CDKAL1: variants seen among roughly 807,000 people sequenced by gnomAD.
CDKAL1 encodes the protein threonylcarbamoyladenosine tRNA methylthiotransferase.
CDKAL1 carries 32 observed loss-of-function variants against 68.2 expected under a neutral mutation model. The ratio of observed to expected loss-of-function variants is 0.47; its 90% confidence interval spans 0.35 to 0.63. The LOEUF (loss-of-function observed/expected upper bound fraction) is 0.63, where lower values mean the gene tolerates loss of function less well. CDKAL1 is among the 30% of genes least tolerant of loss of function. The pLI, the probability that CDKAL1 is intolerant of heterozygous loss-of-function variation, is 0.00. For synonymous variants in CDKAL1, 234 were observed against 244.3 expected (o/e 0.96, Z 0.39); for missense variants, 606 against 696.7 (o/e 0.87, Z 1.47).
At chr6:20,666,752 A>T (rs1769567586) in intron 5 of CDKAL1, among the ~76,000 whole-genome samples, 1 of 150,394 alleles carries the variant, frequency 6.6e-6, no homozygotes, top group Non-Finnish European at 1.5e-5. Flanking sequence ...GAACTGTTTC[A>T]AAATACATGA....
chr6:20,609,300 C>CTTCTCCTT (rs1766489681), intron 4 of CDKAL1, among the ~76,000 whole-genome samples: 1 of 144,780 alleles, frequency 6.9e-6, no homozygotes, highest in African/African-American at 2.6e-5. Context: ...TTCTCCTTCT[C>CTTCTCCTT]CTCCTCCTCC....
At chr6:21,182,985 T>C (rs548248671) in intron 13 of CDKAL1, among the ~76,000 whole-genome samples, 1 of 152,340 alleles carries the variant, frequency 6.6e-6, no homozygotes, top group East Asian at 1.9e-4. Flanking sequence ...CCCCTGACCA[T>C]CTCTTCATGT....
chr6:20,637,558 G>A (rs1767964107), intron 4 of CDKAL1, among the ~76,000 whole-genome samples: 2 of 152,106 alleles, frequency 1.3e-5, no homozygotes, highest in Non-Finnish European at 2.9e-5. Context: ...GCGAAACTCT[G>A]TCTCAACAAC....
At chr6:21,230,563 A>G (rs1264220439) in intron 15 of CDKAL1, among the ~76,000 whole-genome samples, 1 of 152,124 alleles carries the variant, frequency 6.6e-6, no homozygotes, top group Non-Finnish European at 1.5e-5. Flanking sequence ...CACAGATTCT[A>G]CCCTTCATGA....
At chr6:21,058,194 T>C (rs115528630) in intron 11 of CDKAL1, among the ~76,000 whole-genome samples, 2,237 of 152,352 alleles carry the variant, frequency 0.015, 56 homozygotes, top group African/African-American at 0.051. Context: ...ATCTGAGTAC[T>C]CCCCTATTGG....
chr6:20,663,625 A>T (rs142524081), intron 5 of CDKAL1, among the ~76,000 whole-genome samples: 2 of 152,140 alleles, frequency 1.3e-5, no homozygotes. Flanking sequence ...TGGGACTTAC[A>T]TATATTTTCT....
chr6:21,208,514 G>C (rs1370861406), intron 15 of CDKAL1, among the ~76,000 whole-genome samples: 1 of 152,074 alleles, frequency 6.6e-6, no homozygotes, highest in Non-Finnish European at 1.5e-5. Context: ...TTTCAGACAG[G>C]TCAGCTAACC....
intron 13 of CDKAL1, among the ~76,000 whole-genome samples, chr6:21,114,599 T>C (rs925687207): frequency 1.7e-4 from 26 of 152,050 alleles, no homozygotes; most frequent in African/African-American, 6.3e-4. Context: ...CCAGGTGTGG[T>C]GGCATGTGCC....
At chr6:20,987,908 T>C (rs1766562806) in intron 10 of CDKAL1, among the ~76,000 whole-genome samples, 1 of 151,150 alleles carries the variant, frequency 6.6e-6, no homozygotes. Flanking sequence ...GCCTCCCAAG[T>C]AGCTGGAACT....
At chr6:20,561,168 G>A (rs1375232087) in intron 4 of CDKAL1, among the ~76,000 whole-genome samples, 1 of 152,004 alleles carries the variant, frequency 6.6e-6, no homozygotes, top group African/African-American at 2.4e-5. Context: ...TCAGCCGGGC[G>A]CAGTGGCTCA....
chr6:21,063,399 G>A (rs1309567007), intron 11 of CDKAL1, among the ~76,000 whole-genome samples: 4 of 152,178 alleles, frequency 2.6e-5, no homozygotes, highest in Admixed American at 6.5e-5. Context: ...ATGGCCACAA[G>A]GAAATGACTT....
At chr6:21,064,485 T>G (rs908482523) in intron 11 of CDKAL1, among the ~76,000 whole-genome samples, 6 of 152,180 alleles carry the variant, frequency 3.9e-5, no homozygotes, top group Non-Finnish European at 7.3e-5. Context: ...TAATGGAGTC[T>G]GGAAAACATC....
At chr6:20,913,972 C>G (rs1452311126) in intron 9 of CDKAL1, among the ~76,000 whole-genome samples, 2 of 152,030 alleles carry the variant, frequency 1.3e-5, no homozygotes, top group Non-Finnish European at 2.9e-5. Context: ...GGCTGGGTGA[C>G]AAAACAAGAC....
At chr6:20,958,682 T>C (rs1414270490) in intron 10 of CDKAL1, among the ~76,000 whole-genome samples, 2 of 152,234 alleles carry the variant, frequency 1.3e-5, no homozygotes, top group Non-Finnish European at 2.9e-5. Flanking sequence ...GAATCCACTC[T>C]TGAAATAACT....
chr6:20,910,412 G>A (rs1259518832), intron 9 of CDKAL1, among the ~76,000 whole-genome samples: 1 of 152,202 alleles, frequency 6.6e-6, no homozygotes, highest in African/African-American at 2.4e-5. Flanking sequence ...GCTGAAAATA[G>A]TCCATTGTTT....
chr6:20,694,192 A>ACAAACAAG (rs75168910), intron 5 of CDKAL1, among the ~76,000 whole-genome samples: 5,477 of 151,090 alleles, frequency 0.036, 107 homozygotes, highest in Middle Eastern at 0.062. Flanking sequence ...AAACAAACAA[A>ACAAACAAG]CAAACAAGCA....
intron 4 of CDKAL1, among the ~76,000 whole-genome samples, chr6:20,562,624 C>T (rs1467446200): frequency 1.3e-5 from 2 of 151,894 alleles, no homozygotes; most frequent in Non-Finnish European, 2.9e-5. Flanking sequence ...CGCCTGTAAT[C>T]CCAGCTACTC....
chr6:20,852,514 G>T (rs1014634596), intron 9 of CDKAL1, among the ~76,000 whole-genome samples: 3 of 152,134 alleles, frequency 2.0e-5, no homozygotes, highest in African/African-American at 7.2e-5. Context: ...ACCTTTAAAA[G>T]ACATTTTTTG....
intron 11 of CDKAL1, among the ~76,000 whole-genome samples, chr6:21,038,189 GA>G (rs1769699329): frequency 6.6e-6 from 1 of 152,214 alleles, no homozygotes; most frequent in African/African-American, 2.4e-5. Context: ...TTTCCCAGAG[GA>G]AAAGTTCTTT....
Sources: allele counts gnomAD v4.1 joint callset (sites outside exome capture counted in the v4.1 genomes callset), GRCh38; gene constraint gnomAD v4.1.1; transcripts MANE v1.5; gene names NCBI Gene and HGNC (gene_info 2026-07-23, HGNC 2026-07-21).